The following MYO9B variants were observed in gnomAD, a reference collection of about 807,000 sequenced individuals.
MYO9B encodes myosin IXB.
In MYO9B, 71 loss-of-function variants were observed where a neutral mutation model predicts 229.5. The observed-to-expected ratio is 0.31, with a 90% CI of 0.26 to 0.38. The LOEUF (loss-of-function observed/expected upper bound fraction) is 0.38, where lower values mean the gene tolerates loss of function less well. MYO9B is among the 10% of genes least tolerant of loss of function. The pLI, the probability that MYO9B is intolerant of heterozygous loss-of-function variation, is 1.00. For missense variants in MYO9B, 2,255 were observed against 2,920.5 expected (o/e 0.77, Z 5.25); for synonymous variants, 1,185 against 1,235.8 (o/e 0.96, Z 0.86).
intron 3 of MYO9B, among the ~76,000 whole-genome samples, chr19:17,149,346 C>T (rs1189538145): frequency 6.6e-6 from 1 of 152,134 alleles, no homozygotes; most frequent in Non-Finnish European, 1.5e-5. Context: ...CACCATTGGA[C>T]CAGACACCAG....
intron 36 of MYO9B, 106 bp downstream of exon 36, chr19:17,209,815 G>A: frequency 8.1e-7 from 1 of 1,235,890 alleles, no homozygotes; most frequent in Non-Finnish European, 1.1e-6. Flanking sequence ...GGTGAGTGGG[G>A]TCTTGGTGGG....
Position 17,193,143 on chromosome 19 carries a change from C to T in MYO9B, c.3128+81C>T. 1 of 1,368,072 alleles carries T rather than the reference C, an allele frequency of 7.3e-7. No homozygotes were observed. Among genetic ancestry groups the T allele is most frequent in the South Asian group, 1.6e-5 (1 of 63,418 alleles). 84.7% of individuals were successfully genotyped at this position (1,368,072 alleles called of 1,614,324 possible). A position where few individuals can be genotyped will look rare whatever the true frequency, so the allele number is the denominator to read the frequency against. Reference sequence around the variant, plus strand: ...CACCAAATTGCTGCCCGTGATATACCATCTGGCCTGTGGCACTAAGGGGAT... The same window carrying T: ...CACCAAATTGCTGCCCGTGATATACTATCTGGCCTGTGGCACTAAGGGGAT... On this transcript the variant is annotated intron_variant, in intron 21 of 39. Coordinates refer to ENST00000682292, the MANE Select transcript of MYO9B (RefSeq NM_004145.4). This position sits in a 1 kb window ranked among gnomAD's most constrained non-coding sequence, Gnocchi z 4.3.
At chr19:17,205,772 G>C (rs1320238056) in intron 31 of MYO9B, among the ~76,000 whole-genome samples, 188 bp from the exon 32 acceptor site, 1 of 152,144 alleles carries the variant, frequency 6.6e-6, no homozygotes. Context: ...CTGCCCAGTG[G>C]CTGCCATGCT....
At position 17,206,851 on chromosome 19, in the gene MYO9B, C is replaced by T. The variant is rs11882738; in HGVS notation, c.5492+67C>T. On this transcript the variant is annotated intron_variant, in intron 34 of 39. Coordinates refer to ENST00000682292, the MANE Select transcript of MYO9B (RefSeq NM_004145.4). ...ATTGGGAACCCGCGAGGCAGCATTT[C>T]CCAGGAGGACCCGAGCTGGCGTTCT... is the stretch of plus-strand genomic sequence containing the variant. The T allele has an allele frequency of 3.5e-3, 4,823 of 1,367,492 alleles. 136 individuals are homozygous for T. In the African/African-American group the frequency reaches 0.061, roughly 17 times the overall value. 84.7% of individuals were successfully genotyped at this position (1,367,492 alleles called of 1,614,324 possible).
Position 17,212,298 on chromosome 19 carries a change from G to T in MYO9B, c.6462G>T (p.Gln2154His). The T allele has an allele frequency of 6.6e-7, 1 of 1,507,542 alleles. No homozygotes were observed. The highest frequency in any genetic ancestry group is 8.8e-7 in the Non-Finnish European group (1 of 1,136,724). 93.4% of individuals were successfully genotyped at this position (1,507,542 alleles called of 1,614,324 possible). A position where few individuals can be genotyped will look rare whatever the true frequency, so the allele number is the denominator to read the frequency against. ...PTYCLPPASG[Q>H]TNG ...ACTGCCTGCCCCCCGCCTCGGGCCA[G>T]ACCAATGGCTGAGAGCCACAGCTGA... Residue 2154 changes from glutamine to histidine, a missense_variant, in exon 40 of 40, where the codon CAG becomes CAT. By Grantham distance (24) the Gln-to-His change is conservative. Around this residue, in one of 7 missense-constraint regions of MYO9B, gnomAD observed 331 missense variants for 332.5 expected, o/e 1.00. Transcript: ENST00000682292. The surrounding 1 kb of genome is among the most constrained non-coding windows in gnomAD (Gnocchi z 5.4).
At chr19:17,139,310 C>G (rs564884738) in intron 2 of MYO9B, among the ~76,000 whole-genome samples, 1 of 152,174 alleles carries the variant, frequency 6.6e-6, no homozygotes, top group South Asian at 2.1e-4. Flanking sequence ...TAGGCCAGGC[C>G]TGGTGGCTCA....
rs371873747 is a variant in MYO9B at position 17,114,818 on chromosome 19, TC to T, written c.840+12262del. On this transcript the variant is annotated intron_variant, in intron 2 of 39. Coordinates refer to ENST00000682292, the MANE Select transcript of MYO9B (RefSeq NM_004145.4). ...AAGCATCTCCCCAGCAGGAAACAAG[TC>T]AAGAACCACTGCCGGGAAACAGGAT... Among the ~76,000 whole-genome samples, 157 of 151,846 alleles carry T rather than the reference TC, an allele frequency of 1.0e-3. 4 individuals are homozygous for T. In the South Asian group the frequency reaches 0.032, roughly 31 times the overall value.
intron 2 of MYO9B, among the ~76,000 whole-genome samples, chr19:17,107,909 C>T (rs746145705): frequency 1.3e-5 from 2 of 151,942 alleles, no homozygotes; most frequent in African/African-American, 4.8e-5. Context: ...ATTTTGGGGG[C>T]GGGGGGCTCA....
At chr19:17,194,346 G>A (rs1028007499) in intron 21 of MYO9B, among the ~76,000 whole-genome samples, 7 of 152,152 alleles carry the variant, frequency 4.6e-5, no homozygotes, top group Non-Finnish European at 1.0e-4. Context: ...CAGACGCAGG[G>A]CAGGGGTATC....
intron 28 of MYO9B, 116 bp from the exon 29 acceptor site, chr19:17,202,726 A>C: frequency 9.7e-7 from 1 of 1,034,630 alleles, no homozygotes; most frequent in Middle Eastern, 2.7e-4. Flanking sequence ...CAATGATGCC[A>C]CTCCAGGTGA....
Position 17,101,607 on chromosome 19 carries a change from C to T in MYO9B, c.-58-53C>T, listed in dbSNP as rs564369001. ...CCCAGGAGTGGGACTCCACATGCCC[C>T]TTAAACTTCCTCCCACCATTCTGAC... On this transcript the variant is annotated intron_variant, in intron 1 of 39. Coordinates refer to ENST00000682292, the MANE Select transcript of MYO9B (RefSeq NM_004145.4). This position sits in a 1 kb window ranked among gnomAD's most constrained non-coding sequence, Gnocchi z 4.7. The T allele has an allele frequency of 5.6e-6, 8 of 1,433,988 alleles. 1 individual carries two copies. In the South Asian group the frequency reaches 1.2e-4, roughly 21 times the overall value. The allele number at this position is 1,433,988 out of a possible 1,614,324, so 88.8% of individuals were successfully genotyped here.
At chr19:17,087,897 T>C (rs1334178175) in intron 1 of MYO9B, among the ~76,000 whole-genome samples, 1 of 143,482 alleles carries the variant, frequency 7.0e-6, no homozygotes, top group East Asian at 2.0e-4. Flanking sequence ...GCCATTGCAC[T>C]CCACCGTGGG....
intron 2 of MYO9B, among the ~76,000 whole-genome samples, chr19:17,137,064 T>C (rs180870471): frequency 8.1e-4 from 124 of 152,190 alleles, no homozygotes; most frequent in Non-Finnish European, 1.3e-3. Flanking sequence ...ACCCCGTCTC[T>C]ACTTAAAATA....
At chr19:17,204,307 C>T (rs751561044) in intron 30 of MYO9B, among the ~76,000 whole-genome samples, 3 of 150,614 alleles carry the variant, frequency 2.0e-5, no homozygotes, top group African/African-American at 2.4e-5. Flanking sequence ...GTCTTTGCCC[C>T]GTGACATCTT....
At chr19:17,159,326 GA>G in intron 7 of MYO9B, 68 bp from the exon 8 acceptor site, 9 of 1,416,026 alleles carry the variant, frequency 6.4e-6, no homozygotes, top group Non-Finnish European at 2.0e-6. Flanking sequence ...TTGCCTCAGT[GA>G]TACCAGGACA....
At chr19:17,128,584 C>T (rs2072154177) in intron 2 of MYO9B, among the ~76,000 whole-genome samples, 1 of 152,246 alleles carries the variant, frequency 6.6e-6, no homozygotes, top group Non-Finnish European at 1.5e-5. Context: ...TCCATGAGGG[C>T]CTGGCACAGC....
chr19:17,135,452 G>T (rs1216962434), intron 2 of MYO9B, among the ~76,000 whole-genome samples: 1 of 152,048 alleles, frequency 6.6e-6, no homozygotes, highest in East Asian at 1.9e-4. Flanking sequence ...GACCCCACAT[G>T]ATACTCCAGG....
chr19:17,177,238 T>C (rs1412312476), intron 14 of MYO9B, among the ~76,000 whole-genome samples: 4 of 151,044 alleles, frequency 2.6e-5, no homozygotes, highest in Admixed American at 2.6e-4. Flanking sequence ...TCACCCAAAA[T>C]GGGACACAAG....
intron 3 of MYO9B, among the ~76,000 whole-genome samples, chr19:17,146,594 G>A (rs1026263932): frequency 6.6e-6 from 1 of 152,126 alleles, no homozygotes; most frequent in Non-Finnish European, 1.5e-5. Context: ...TGGATTCATG[G>A]ATGGAGAGAT....
Sources: gnomAD v4.1 joint callset for allele counts (sites outside exome capture counted in the v4.1 genomes callset) on GRCh38, gnomAD v4.1.1 for gene constraint, gnomAD v4.1.1 regional missense constraint, Gnocchi (gnomAD v3.1) non-coding constraint, MANE v1.5 for transcripts, NCBI Gene and HGNC (gene_info 2026-07-23, HGNC 2026-07-21) for gene names.